Variants in NAALADL2 observed in about 807,000 individuals in gnomAD.
NAALADL2 encodes the protein inactive N-acetylated-alpha-linked acidic dipeptidase-like protein 2.
A neutral mutation model predicts 87.2 loss-of-function variants in NAALADL2; 76 were observed. The observed-to-expected ratio is 0.87, with a 90% CI of 0.72 to 1.05. The LOEUF (loss-of-function observed/expected upper bound fraction) is 1.05, where lower values mean the gene tolerates loss of function less well. NAALADL2 is among the 50% of genes least tolerant of loss of function. The pLI is 0.00. For missense variants in NAALADL2, 1,089 were observed against 945.8 expected (o/e 1.15, Z -1.99); for synonymous variants, 354 against 331.0 (o/e 1.07, Z -0.75).
chr3:174,756,183 G>T (rs753894171), intron 3 of NAALADL2, among the ~76,000 whole-genome samples: 2 of 152,124 alleles, frequency 1.3e-5, no homozygotes, highest in Non-Finnish European at 2.9e-5. Flanking sequence ...TAGCTTTCTT[G>T]TTCTAAAATA....
At position 175,533,987 on chromosome 3, in the gene NAALADL2, G is replaced by T. The variant is rs149354467; in HGVS notation, c.1654-42054G>T. On this transcript the variant is annotated intron_variant, in intron 9 of 13. Transcript: ENST00000454872. ...TATGTATAGAGTCAGTAAACTCCTTGCCTCTCATGAGCAGTGAATCAGGAG... is the reference window on the plus strand; with the variant it reads ...TATGTATAGAGTCAGTAAACTCCTTTCCTCTCATGAGCAGTGAATCAGGAG... 5.9e-3 allele frequency among the ~76,000 whole-genome samples: 892 copies of T among 151,374 alleles called. 11 individuals are homozygous for T. The highest frequency in any genetic ancestry group is 0.021 in the African/African-American group (860 of 40,996).
intron 2 of NAALADL2, among the ~76,000 whole-genome samples, chr3:174,685,707 A>C (rs1022143410): frequency 1.2e-4 from 18 of 152,158 alleles, no homozygotes; most frequent in Admixed American, 2.0e-4. Context: ...GTACATTTGC[A>C]GATTTGTTAC....
At chr3:175,211,443 A>G (rs573942965) in intron 2 of NAALADL2, among the ~76,000 whole-genome samples, 109 of 152,070 alleles carry the variant, frequency 7.2e-4, no homozygotes, top group Middle Eastern at 3.4e-3. Flanking sequence ...TGAAACTAGT[A>G]TATTCTATTT....
chr3:175,411,907 T>C (rs1304264022), intron 5 of NAALADL2, among the ~76,000 whole-genome samples: 1 of 152,012 alleles, frequency 6.6e-6, no homozygotes, highest in Non-Finnish European at 1.5e-5. Flanking sequence ...ATGCCAGAGC[T>C]TATTCTACAA....
intron 3 of NAALADL2, among the ~76,000 whole-genome samples, chr3:174,786,855 A>T (rs1441457515): frequency 1.3e-5 from 2 of 152,220 alleles, no homozygotes; most frequent in East Asian, 3.9e-4. Context: ...GTAAAAATTA[A>T]ATTGTCGTCT....
At chr3:175,190,006 G>A (rs1737911156) in intron 2 of NAALADL2, among the ~76,000 whole-genome samples, 1 of 152,068 alleles carries the variant, frequency 6.6e-6, no homozygotes, top group South Asian at 2.1e-4. Flanking sequence ...TTCAATAAAT[G>A]GTGATGGAGA....
At chr3:175,132,550 G>T (rs572753688) in intron 2 of NAALADL2, among the ~76,000 whole-genome samples, 5 of 81,528 alleles carry the variant, frequency 6.1e-5, no homozygotes, top group East Asian at 4.9e-4. Flanking sequence ...AAGAATGGCC[G>T]GGCGGGGGGG....
chr3:174,733,479 A>G (rs1028731713), intron 2 of NAALADL2, among the ~76,000 whole-genome samples: 2 of 152,286 alleles, frequency 1.3e-5, no homozygotes, highest in Non-Finnish European at 2.9e-5. Context: ...AGATGGCAAT[A>G]TGCCATTTTA....
chr3:175,267,664 C>G (rs768102626), intron 4 of NAALADL2, among the ~76,000 whole-genome samples: 3 of 152,030 alleles, frequency 2.0e-5, no homozygotes, highest in Non-Finnish European at 4.4e-5. Flanking sequence ...AAAGAGGTAC[C>G]TAGAGACATT....
chr3:174,989,822 G>T (rs559563580), intron 1 of NAALADL2, among the ~76,000 whole-genome samples: 2 of 152,086 alleles, frequency 1.3e-5, no homozygotes, highest in Non-Finnish European at 2.9e-5. Context: ...GAAGAACCAG[G>T]AATGATAGAG....
intron 10 of NAALADL2, among the ~76,000 whole-genome samples, chr3:175,622,313 C>G (rs9867984): frequency 0.73 from 111,402 of 151,920 alleles, 41,703 homozygotes; most frequent in East Asian, 0.88. Flanking sequence ...GAATTCTGTG[C>G]CTCTATTCAT....
chr3:174,917,405 T>C (rs1054988632), intron 1 of NAALADL2, among the ~76,000 whole-genome samples: 1 of 152,128 alleles, frequency 6.6e-6, no homozygotes, highest in African/African-American at 2.4e-5. Flanking sequence ...TTGAATGACA[T>C]TGAACAAAGA....
intron 4 of NAALADL2, among the ~76,000 whole-genome samples, chr3:175,301,152 G>A (rs985811997): frequency 3.3e-5 from 5 of 152,046 alleles, no homozygotes; most frequent in African/African-American, 1.2e-4. Flanking sequence ...TTTTGAATTT[G>A]TTTGCTCTTG....
At chr3:174,905,759 T>A (rs1418273636) in intron 1 of NAALADL2, among the ~76,000 whole-genome samples, 4 of 152,066 alleles carry the variant, frequency 2.6e-5, no homozygotes, top group Admixed American at 6.6e-5. Context: ...TCTATTGTGG[T>A]ATCTGATGTA....
intron 1 of NAALADL2, among the ~76,000 whole-genome samples, chr3:174,906,823 A>T (rs1358992432): frequency 1.3e-5 from 2 of 152,134 alleles, no homozygotes; most frequent in Non-Finnish European, 2.9e-5. Flanking sequence ...ATAATTTGTT[A>T]TGTAGCAATA....
chr3:175,406,971 A>G (rs1334072725), intron 5 of NAALADL2, among the ~76,000 whole-genome samples: 1 of 152,156 alleles, frequency 6.6e-6, no homozygotes, highest in Non-Finnish European at 1.5e-5. Flanking sequence ...ATCAGAGATC[A>G]GGATTTCAAG....
chr3:175,536,914 G>A (rs1021437657), intron 9 of NAALADL2, among the ~76,000 whole-genome samples: 2 of 152,168 alleles, frequency 1.3e-5, no homozygotes, highest in African/African-American at 4.8e-5. Context: ...CCCGGGAGGC[G>A]GAGCTTGCAA....
intron 3 of NAALADL2, among the ~76,000 whole-genome samples, chr3:174,771,492 TGGCTTGGTTAG>T (rs1215229365): frequency 6.6e-6 from 1 of 152,184 alleles, no homozygotes; most frequent in Non-Finnish European, 1.5e-5. Context: ...TACAAGAGCA[TGGCTTGGTTAG>T]GGTGTAGAGA....
At chr3:175,591,818 A>G (rs1383349372) in intron 10 of NAALADL2, among the ~76,000 whole-genome samples, 2,109 of 87,998 alleles carry the variant, frequency 0.024, 72 homozygotes, top group African/African-American at 0.071. Flanking sequence ...ATATATATAT[A>G]TATATATATG....
Sources: gnomAD v4.1 joint callset for allele counts (sites outside exome capture counted in the v4.1 genomes callset) on GRCh38, gnomAD v4.1.1 for gene constraint, MANE v1.5 for transcripts, NCBI Gene and HGNC (gene_info 2026-07-23, HGNC 2026-07-21) for gene names.